CDK14: variants seen among roughly 807,000 people sequenced by gnomAD.
The protein encoded by CDK14 is cyclin-dependent kinase 14.
Under a neutral mutation model 60.7 loss-of-function variants are expected in CDK14, and 34 were observed. The observed-to-expected ratio is 0.56, with a 90% CI of 0.43 to 0.75. CDK14 has a LOEUF of 0.75. Ranked by LOEUF, CDK14 falls within the 30% of genes least tolerant of loss-of-function variation. The pLI, the probability that CDK14 is intolerant of heterozygous loss-of-function variation, is 0.00. For synonymous variants in CDK14, 197 were observed against 203.7 expected (o/e 0.97, Z 0.28); for missense variants, 482 against 564.1 (o/e 0.85, Z 1.47).
chr7:90,657,757 A>G (rs1203889053), intron 2 of CDK14, among the ~76,000 whole-genome samples: 1 of 152,302 alleles, frequency 6.6e-6, no homozygotes, highest in East Asian at 1.9e-4. Flanking sequence ...CAACTTAACA[A>G]CGACAGCAAA....
At chr7:91,192,072 C>T (rs943984607) in intron 14 of CDK14, among the ~76,000 whole-genome samples, 1 of 152,116 alleles carries the variant, frequency 6.6e-6, no homozygotes. Context: ...TCTCACAGAG[C>T]GATACCACAT....
At chr7:90,907,650 A>G (rs1792752637) in intron 7 of CDK14, among the ~76,000 whole-genome samples, 1 of 152,072 alleles carries the variant, frequency 6.6e-6, no homozygotes, top group Non-Finnish European at 1.5e-5. Flanking sequence ...GACCAAAGTA[A>G]TTTTGAACTT....
chr7:91,147,885 G>T (rs555522567), intron 14 of CDK14, among the ~76,000 whole-genome samples: 1 of 152,048 alleles, frequency 6.6e-6, no homozygotes, highest in African/African-American at 2.4e-5. Flanking sequence ...AAATTAGCAC[G>T]TTTAACATTA....
chr7:91,156,826 G>A (rs1801000561), intron 14 of CDK14, among the ~76,000 whole-genome samples: 1 of 152,198 alleles, frequency 6.6e-6, no homozygotes, highest in African/African-American at 2.4e-5. Flanking sequence ...AGCATGAGCA[G>A]CCCCATAAAA....
chr7:90,626,632 T>G (rs1799881605), intron 2 of CDK14, among the ~76,000 whole-genome samples: 1 of 152,214 alleles, frequency 6.6e-6, no homozygotes, highest in Non-Finnish European at 1.5e-5. Context: ...ACATTTTTCT[T>G]GTAGTTACGT....
intron 9 of CDK14, among the ~76,000 whole-genome samples, chr7:90,973,489 A>G (rs777503388): frequency 2.0e-5 from 3 of 152,194 alleles, no homozygotes; most frequent in Non-Finnish European, 4.4e-5. Context: ...TTTCATTGCA[A>G]CCATATTTTA....
chr7:90,631,063 T>C (rs1799987516), intron 2 of CDK14, among the ~76,000 whole-genome samples: 2 of 152,186 alleles, frequency 1.3e-5, no homozygotes, highest in Admixed American at 1.3e-4. Context: ...AAGGTGGTGG[T>C]ACTCTGATAG....
At chr7:90,709,232 A>G in intron 2 of CDK14, 1 of 350,192 alleles carries the variant, frequency 2.9e-6, no homozygotes, top group Non-Finnish European at 5.1e-6. Flanking sequence ...CATATGACAA[A>G]TATATACACG....
chr7:90,681,172 A>G (rs1801307976), intron 2 of CDK14, among the ~76,000 whole-genome samples: 1 of 152,186 alleles, frequency 6.6e-6, no homozygotes, highest in Admixed American at 6.5e-5. Context: ...TACTTGGTAC[A>G]CACGTTTCAA....
intron 3 of CDK14, among the ~76,000 whole-genome samples, chr7:90,731,060 T>C (rs552663172): frequency 3.3e-5 from 5 of 152,350 alleles, no homozygotes; most frequent in African/African-American, 7.2e-5. Flanking sequence ...CAGTTTTGGC[T>C]TTTTACATAT....
At chr7:91,106,718 A>G (rs1799311638) in intron 12 of CDK14, among the ~76,000 whole-genome samples, 1 of 152,304 alleles carries the variant, frequency 6.6e-6, no homozygotes, top group East Asian at 1.9e-4. Context: ...AAAGTTAAGG[A>G]GCCATCCACT....
intron 5 of CDK14, among the ~76,000 whole-genome samples, chr7:90,841,722 A>G (rs1385992541): frequency 6.8e-6 from 1 of 147,934 alleles, no homozygotes; most frequent in African/African-American, 2.5e-5. Context: ...GAACAAAAGG[A>G]GCTGGGAAGA....
intron 5 of CDK14, among the ~76,000 whole-genome samples, chr7:90,796,258 G>T (rs930116693): frequency 6.6e-6 from 1 of 152,146 alleles, no homozygotes; most frequent in Non-Finnish European, 1.5e-5. Flanking sequence ...ATTCAGATAG[G>T]ATATCAATTA....
At chr7:90,959,518 G>A (rs1415056373) in intron 9 of CDK14, among the ~76,000 whole-genome samples, 1 of 152,134 alleles carries the variant, frequency 6.6e-6, no homozygotes, top group Non-Finnish European at 1.5e-5. Flanking sequence ...GCAAAGAGAA[G>A]TGCAAATATT....
intron 6 of CDK14, among the ~76,000 whole-genome samples, chr7:90,876,754 A>T (rs1323508926): frequency 6.6e-6 from 1 of 152,206 alleles, no homozygotes; most frequent in Admixed American, 6.5e-5. Context: ...ATCCATTCTT[A>T]ATAAGTTTAA....
At chr7:90,876,793 A>G (rs1307934196) in intron 6 of CDK14, among the ~76,000 whole-genome samples, 2 of 152,274 alleles carry the variant, frequency 1.3e-5, no homozygotes, top group East Asian at 1.9e-4. Flanking sequence ...GCGTGCCATT[A>G]TGTAAACCAA....
At chr7:91,011,279 G>A (rs912095240) in intron 10 of CDK14, among the ~76,000 whole-genome samples, 11 of 152,090 alleles carry the variant, frequency 7.2e-5, no homozygotes, top group Non-Finnish European at 1.2e-4. Flanking sequence ...AAATAGGGGA[G>A]AGGGTTGGGA....
chr7:90,849,019 G>T (rs748976278), intron 5 of CDK14, among the ~76,000 whole-genome samples: 3 of 152,066 alleles, frequency 2.0e-5, no homozygotes, highest in Non-Finnish European at 4.4e-5. Context: ...TCTACTTCCA[G>T]TTTCCTCATT....
At chr7:90,806,516 TC>T (rs1788842283) in intron 5 of CDK14, among the ~76,000 whole-genome samples, 1 of 152,150 alleles carries the variant, frequency 6.6e-6, no homozygotes. Context: ...TAGGAACAGC[TC>T]CAGTCTACAG....
Sources: gnomAD v4.1 joint callset for allele counts (sites outside exome capture counted in the v4.1 genomes callset) on GRCh38, gnomAD v4.1.1 for gene constraint, MANE v1.5 for transcripts, NCBI Gene and HGNC (gene_info 2026-07-23, HGNC 2026-07-21) for gene names.